The following ENPP1 variants were observed in gnomAD, a reference collection of about 807,000 sequenced individuals.
The protein encoded by ENPP1 is ectonucleotide pyrophosphatase/phosphodiesterase family member 1.
ENPP1 carries 73 observed loss-of-function variants against 122.8 expected under a neutral mutation model. The observed-to-expected ratio is 0.59, with a 90% CI of 0.49 to 0.72. The LOEUF (loss-of-function observed/expected upper bound fraction) is 0.72. Ranked by LOEUF, ENPP1 falls within the 30% of genes least tolerant of loss-of-function variation. The probability of loss-of-function intolerance (pLI) is 0.00; values close to 1 mark genes in which losing one functional copy is unlikely to be tolerated. For missense variants in ENPP1, 978 were observed against 1,128.1 expected (o/e 0.87, Z 1.91); for synonymous variants, 367 against 391.6 (o/e 0.94, Z 0.74).
intron 24 of ENPP1, among the ~76,000 whole-genome samples, 178 bp downstream of exon 24, chr6:131,886,902 A>G (rs193226925): frequency 1.4e-5 from 2 of 146,452 alleles, no homozygotes; most frequent in Admixed American, 1.4e-4. Context: ...GGGGAAGACT[A>G]CCCTTGTCTG....
In ENPP1 at chr6:131,886,482, A is replaced by C. The variant is rs116371737; in HGVS notation, c.2445-80A>C. The C allele has an allele frequency of 2.0e-3, 2,087 of 1,069,946 alleles. 38 individuals are homozygous for C. The African/African-American group carries it at 0.029, about 15-fold the overall frequency. 66.3% of individuals were successfully genotyped at this position (1,069,946 alleles called of 1,614,324 possible). A position where few individuals can be genotyped will look rare whatever the true frequency, so the allele number is the denominator to read the frequency against. On this transcript the variant is annotated intron_variant, in intron 23 of 24. Coordinates refer to ENST00000647893, the MANE Select transcript of ENPP1 (RefSeq NM_006208.3). ...TTTGAATTTGATTTTTATATGTATT[A>C]AAAGCATGCTCTACTGAAATATTCA... is the stretch of plus-strand genomic sequence containing the variant.
chr6:131,838,754 A>G (rs1781706248), intron 1 of ENPP1, among the ~76,000 whole-genome samples: 1 of 152,160 alleles, frequency 6.6e-6, no homozygotes, highest in Admixed American at 6.5e-5. Context: ...AAAGGGTGGC[A>G]GTACAAATCA....
At chr6:131,865,950 C>T (rs1035096931) in intron 11 of ENPP1, among the ~76,000 whole-genome samples, 4 of 150,944 alleles carry the variant, frequency 2.6e-5, no homozygotes, top group Non-Finnish European at 5.9e-5. Flanking sequence ...GAGCCGAGAT[C>T]GCACCACTGT....
intron 1 of ENPP1, among the ~76,000 whole-genome samples, chr6:131,821,988 C>G (rs1316634292): frequency 2.6e-5 from 4 of 152,128 alleles, no homozygotes; most frequent in African/African-American, 9.7e-5. Context: ...ATTATAATCT[C>G]TGGGATACTA....
At chr6:131,876,064 G>C (rs1224674069) in intron 17 of ENPP1, among the ~76,000 whole-genome samples, 1 of 152,142 alleles carries the variant, frequency 6.6e-6, no homozygotes, top group Non-Finnish European at 1.5e-5. Flanking sequence ...CCACTAGGCT[G>C]CTTGCTGGTT....
At chr6:131,827,596 A>C in intron 1 of ENPP1, 1 of 593,280 alleles carries the variant, frequency 1.7e-6, no homozygotes, top group Non-Finnish European at 3.1e-6. Context: ...AATATGGAAC[A>C]TAAGTTATGA....
intron 23 of ENPP1, among the ~76,000 whole-genome samples, chr6:131,885,297 G>A (rs564705641): frequency 2.6e-5 from 4 of 152,320 alleles, no homozygotes; most frequent in Admixed American, 1.3e-4. Flanking sequence ...ATTCAGTTCA[G>A]TTGAATAATT....
chr6:131,826,168 G>T, intron 1 of ENPP1: 1 of 879,508 alleles, frequency 1.1e-6, no homozygotes, highest in Non-Finnish European at 2.0e-6. Flanking sequence ...ACCCACATGA[G>T]GGGACAAATT....
chr6:131,880,421 G>A (rs754496762), intron 20 of ENPP1, among the ~76,000 whole-genome samples: 15 of 151,952 alleles, frequency 9.9e-5, no homozygotes, highest in East Asian at 1.9e-4. Flanking sequence ...AAAATTAGCC[G>A]GGCGTGGTGG....
chr6:131,893,760 C>T lies in ENPP1; in HGVS notation c.*3249C>T, dbSNP rs1418909148. The T allele has an allele frequency of 6.6e-6, 1 of 151,774 alleles. No homozygotes were observed. The highest frequency in any genetic ancestry group is 6.6e-5 in the Admixed American group (1 of 15,210). 9.4% of individuals were successfully genotyped at this position (151,774 alleles called of 1,614,324 possible). On this transcript the variant is annotated 3_prime_UTR_variant, in exon 25 of 25. Transcript: ENST00000647893. ...TTGAAAGAGACTCCTCCTTTCTTTT[C>T]TTTTCTTGAAAGAGTTTTAAACAGA... is the stretch of plus-strand genomic sequence containing the variant.
At chr6:131,888,813 T>C (rs1016034036) in intron 24 of ENPP1, among the ~76,000 whole-genome samples, 3 of 152,212 alleles carry the variant, frequency 2.0e-5, no homozygotes, top group Non-Finnish European at 2.9e-5. Context: ...AGAGATTATA[T>C]TGTCATTGAA....
At chr6:131,809,850 G>A (rs900635038) in intron 1 of ENPP1, among the ~76,000 whole-genome samples, 4 of 152,174 alleles carry the variant, frequency 2.6e-5, no homozygotes, top group African/African-American at 9.7e-5. Flanking sequence ...AAGCTGTCCA[G>A]TCTTTGAGAC....
intron 24 of ENPP1, among the ~76,000 whole-genome samples, chr6:131,888,456 T>C (rs1040461164): frequency 6.6e-6 from 1 of 152,158 alleles, no homozygotes. Context: ...AATCAGGTGC[T>C]CTAGGTACTG....
At chr6:131,874,202 G>A in intron 15 of ENPP1, 66 bp from the exon 16 acceptor site, 1 of 970,328 alleles carries the variant, frequency 1.0e-6, no homozygotes, top group Non-Finnish European at 1.7e-6. Context: ...TGAAAATAAT[G>A]TTATGATTAT....
chr6:131,880,061 T>C lies in ENPP1; in HGVS notation c.2100+27T>C, dbSNP rs1244827371. ...CAAGTATTTGTCACCTCTTTATGTG[T>C]GGCCATTTCAAATTAATGATTAAGC... On this transcript the variant is annotated intron_variant, in intron 20 of 24. Coordinates refer to ENST00000647893, the MANE Select transcript of ENPP1 (RefSeq NM_006208.3). The C allele has an allele frequency of 3.7e-6, 6 of 1,606,450 alleles. No homozygotes were observed. In the Admixed American group the frequency reaches 6.7e-5, roughly 18 times the overall value.
intron 4 of ENPP1, among the ~76,000 whole-genome samples, chr6:131,851,956 C>T (rs1781887684): frequency 6.6e-6 from 1 of 152,100 alleles, no homozygotes; most frequent in South Asian, 2.1e-4. Context: ...TTTAGTCTTA[C>T]AATTGTGCAT....
chr6:131,890,886 A>G lies in ENPP1; in HGVS notation c.*375A>G. ...ACCTTGATGGCATTGGGCAAACAGT[A>G]GACTTATAGTAGGGTTGGGGTAGCC... On this transcript the variant is annotated 3_prime_UTR_variant, in exon 25 of 25. Transcript: ENST00000647893. 4.1e-6 allele frequency: 1 copy of G among 242,436 alleles called. No homozygotes were observed. The highest frequency in any genetic ancestry group is 6.0e-5 in the South Asian group (1 of 16,674). The allele number at this position is 242,436 out of a possible 1,614,324, so 15.0% of individuals were successfully genotyped here.
At chr6:131,880,646 T>A (rs183254227) in intron 20 of ENPP1, among the ~76,000 whole-genome samples, 5 of 152,214 alleles carry the variant, frequency 3.3e-5, no homozygotes, top group Admixed American at 6.5e-5. Context: ...TGATTCCAAT[T>A]TATAATTGCA....
chr6:131,824,931 A>C (rs1314432415), intron 1 of ENPP1, among the ~76,000 whole-genome samples: 1 of 152,028 alleles, frequency 6.6e-6, no homozygotes, highest in Non-Finnish European at 1.5e-5. Context: ...GTCGTGGCAC[A>C]CACCTGTAAT....
Sources: gnomAD v4.1 joint callset for allele counts (sites outside exome capture counted in the v4.1 genomes callset) on GRCh38, gnomAD v4.1.1 for gene constraint, MANE v1.5 for transcripts, NCBI Gene and HGNC (gene_info 2026-07-23, HGNC 2026-07-21) for gene names.